The following MYLK4 variants were observed in gnomAD, a reference collection of about 807,000 sequenced individuals.
MYLK4 encodes the protein myosin light chain kinase family member 4.
A neutral mutation model predicts 48.1 loss-of-function variants in MYLK4; 46 were observed. That is an observed-to-expected ratio of 0.96 (90% CI 0.75 to 1.22). The LOEUF is 1.22. MYLK4 is among the 50% of genes most tolerant of loss of function. MYLK4 has a pLI of 0.00. For missense variants in MYLK4, 451 were observed against 486.1 expected (o/e 0.93, Z 0.68); for synonymous variants, 170 against 180.8 (o/e 0.94, Z 0.48).
At chr6:2,770,150 A>G in the MYLK4 span, 1 of 1,614,198 alleles carries the variant, frequency 6.2e-7, no homozygotes, top group East Asian at 2.2e-5. Flanking sequence ...GGAATGTGGG[A>G]CGATCACTCT....
chr6:2,755,659 C>A (rs1764411879), upstream of MYLK4, among the ~76,000 whole-genome samples: 1 of 152,156 alleles, frequency 6.6e-6, no homozygotes, highest in African/African-American at 2.4e-5. Context: ...CTGCCTCAGC[C>A]CTCCAAGTAG....
At chr6:2,770,347 C>T in the MYLK4 span, 1 of 1,614,190 alleles carries the variant, frequency 6.2e-7, no homozygotes, top group Non-Finnish European at 8.5e-7. Flanking sequence ...GCCACAGCAG[C>T]AACAGCAGCT....
chr6:2,701,433 C>A (rs1387400988), intron 2 of MYLK4, among the ~76,000 whole-genome samples: 1 of 152,092 alleles, frequency 6.6e-6, no homozygotes, highest in Non-Finnish European at 1.5e-5. Context: ...CCCTGGACTG[C>A]AGGAATATTT....
chr6:2,669,760 C>T (rs1479518754), intron 12 of MYLK4, among the ~76,000 whole-genome samples: 1 of 152,170 alleles, frequency 6.6e-6, no homozygotes, highest in Non-Finnish European at 1.5e-5. Context: ...AGAAACAACT[C>T]TCTCCTACCT....
At chr6:2,769,409 TA>T in the MYLK4 span, among the ~76,000 whole-genome samples, 22 of 151,704 alleles carry the variant, frequency 1.5e-4, no homozygotes, top group Non-Finnish European at 1.2e-4. Flanking sequence ...CTTAGGGATT[TA>T]AAAAAAAATA....
chr6:2,746,504 A>T (rs1764098590), intron 2 of MYLK4, among the ~76,000 whole-genome samples: 1 of 152,238 alleles, frequency 6.6e-6, no homozygotes, highest in Non-Finnish European at 1.5e-5. Flanking sequence ...TAACAAATAT[A>T]AGTTGTTAAA....
chr6:2,688,222 C>A (rs1761634240), intron 4 of MYLK4, among the ~76,000 whole-genome samples: 1 of 152,022 alleles, frequency 6.6e-6, no homozygotes, highest in African/African-American at 2.4e-5. Flanking sequence ...CCACGCCCAG[C>A]TAATTTTTGT....
At chr6:2,692,557 A>G (rs1264138040) in intron 3 of MYLK4, among the ~76,000 whole-genome samples, 1 of 149,542 alleles carries the variant, frequency 6.7e-6, no homozygotes, top group Non-Finnish European at 1.5e-5. Context: ...TTAAAAGCTA[A>G]GTAGAAGGAA....
intron 3 of MYLK4, 58 bp from the exon 4 acceptor site, chr6:2,689,014 A>G: frequency 7.2e-7 from 1 of 1,382,826 alleles, no homozygotes; most frequent in African/African-American, 1.4e-5. Context: ...TCGTTAAGGC[A>G]GCAAGCCTGG....
At chr6:2,764,509 T>C in the MYLK4 span, among the ~76,000 whole-genome samples, 1 of 152,214 alleles carries the variant, frequency 6.6e-6, no homozygotes, top group Non-Finnish European at 1.5e-5. Context: ...CTCTTCTAGT[T>C]ACCAAAAATG....
chr6:2,757,095 G>C, the MYLK4 span, among the ~76,000 whole-genome samples: 2 of 151,448 alleles, frequency 1.3e-5, no homozygotes, highest in South Asian at 4.2e-4. Context: ...CATAGGGCGT[G>C]CATTAATGGC....
In MYLK4 at chr6:2,674,977, A is replaced by T. The variant is rs1265712787; in HGVS notation, c.1119+70T>A. 9.1e-5 allele frequency: 93 copies of T among 1,018,970 alleles called. 1 individual carries two copies. The highest frequency in any genetic ancestry group is 1.1e-4 in the Non-Finnish European group (69 of 641,364). 63.1% of individuals were successfully genotyped at this position (1,018,970 alleles called of 1,614,324 possible). ...AAGAATCTTATTTAAGGTTAAGATG[A>T]CTCCAGCATCTGATCTTCAAAAGAC... On this transcript the variant is annotated intron_variant, in intron 11 of 12. Coordinates refer to ENST00000274643, the MANE Select transcript of MYLK4 (RefSeq NM_001012418.5).
Position 2,685,022 on chromosome 6 carries a change from G to A in MYLK4, c.545+274C>T, listed in dbSNP as rs1761472063. 6.6e-6 allele frequency among the ~76,000 whole-genome samples: 1 copy of A among 152,122 alleles called. No individual in the cohort carries two copies. The highest frequency in any genetic ancestry group is 1.9e-4 in the East Asian group (1 of 5,198). Reference sequence around the variant, plus strand: ...AACCACTTTCCTCCAGGTTGCCCTGGCTAATATTTAAGCTTGATTTTTGAC... The same window carrying A: ...AACCACTTTCCTCCAGGTTGCCCTGACTAATATTTAAGCTTGATTTTTGAC... On this transcript the variant is annotated intron_variant, in intron 6 of 12. Transcript: ENST00000274643. The surrounding 1 kb of genome is among the most constrained non-coding windows in gnomAD (Gnocchi z 4.5).
At chr6:2,679,932 A>C (rs897190393) in intron 8 of MYLK4, among the ~76,000 whole-genome samples, 2 of 152,228 alleles carry the variant, frequency 1.3e-5, no homozygotes, top group African/African-American at 4.8e-5. Context: ...AGATGGATCA[A>C]ATATGAAAGA....
chr6:2,722,479 A>G (rs1763103889), intron 2 of MYLK4, among the ~76,000 whole-genome samples: 1 of 151,558 alleles, frequency 6.6e-6, no homozygotes, highest in Non-Finnish European at 1.5e-5. Context: ...AACTATGTTG[A>G]GAGAATGAGA....
chr6:2,692,857 C>T lies in MYLK4; in HGVS notation c.162G>A (p.Ala54=), dbSNP rs369677818. The T allele has an allele frequency of 4.2e-5, 67 of 1,612,388 alleles. No homozygotes were observed. Among genetic ancestry groups the T allele is most frequent in the South Asian group, 1.2e-4 (11 of 90,644 alleles). ...GGTCGGCGTTTGACCACACCTCCTT[C>T]GCCTGTGGAGGCACAATTGAGTAAT... ...DQDSRSGHNE[A]KEVWSNADLT... The change falls in exon 3 of 13, where the codon GCG becomes GCA. Residue 54 remains alanine, a splice_region_variant and synonymous_variant. Coordinates refer to ENST00000274643, the MANE Select transcript of MYLK4 (RefSeq NM_001012418.5).
In MYLK4 at chr6:2,667,167, C is replaced by T. The variant is rs1760687959; in HGVS notation, c.*758G>A. 3.3e-5 allele frequency: 5 copies of T among 152,186 alleles called. No individual in the cohort carries two copies. The highest frequency in any genetic ancestry group is 2.6e-4 in the Admixed American group (4 of 15,286). 9.4% of individuals were successfully genotyped at this position (152,186 alleles called of 1,614,324 possible). On this transcript the variant is annotated 3_prime_UTR_variant, in exon 13 of 13. Coordinates refer to ENST00000274643, the MANE Select transcript of MYLK4 (RefSeq NM_001012418.5). ...CATAAACAGATACTTTTTGCATCAC[C>T]TCTCAAAACCAATGTGTTTTGTGGG...
chr6:2,743,830 C>T (rs972476631), intron 2 of MYLK4: 9 of 397,610 alleles, frequency 2.3e-5, no homozygotes, highest in South Asian at 1.3e-4. Flanking sequence ...CTTTGGCAAG[C>T]GTCACTCCCA....
intron 12 of MYLK4, 100 bp downstream of exon 12, chr6:2,671,176 C>A: frequency 1.2e-6 from 1 of 823,468 alleles, no homozygotes; most frequent in South Asian, 1.7e-5. Flanking sequence ...CAAAACGCTG[C>A]TCTTCTTCCT....
Sources: allele counts gnomAD v4.1 joint callset (sites outside exome capture counted in the v4.1 genomes callset), GRCh38; gene constraint gnomAD v4.1.1; non-coding constraint Gnocchi (gnomAD v3.1); transcripts MANE v1.5; gene names NCBI Gene and HGNC (gene_info 2026-07-23, HGNC 2026-07-21).